The following UBE2U variants were observed in gnomAD, a reference collection of about 807,000 sequenced individuals.
UBE2U encodes the protein ubiquitin-conjugating enzyme E2 U.
In UBE2U, 39 loss-of-function variants were observed where a neutral mutation model predicts 41.2. That is an observed-to-expected ratio of 0.95 (90% CI 0.73 to 1.24). The LOEUF is 1.24. UBE2U is among the 50% of genes most tolerant of loss of function. The probability of loss-of-function intolerance (pLI) is 0.00; values close to 1 mark genes in which losing one functional copy is unlikely to be tolerated. For missense variants in UBE2U, 336 were observed against 363.1 expected, an observed-to-expected ratio of 0.93 and a Z score of 0.61; for synonymous variants, 107 against 117.8, an observed-to-expected ratio of 0.91 and a Z score of 0.60.
chr1:64,209,510 G>C (rs1231260488), intron 3 of UBE2U, among the ~76,000 whole-genome samples: 1 of 152,006 alleles, frequency 6.6e-6, no homozygotes, highest in South Asian at 2.1e-4. Flanking sequence ...TAAATCAGGG[G>C]GACTTTTGTG....
At chr1:64,205,011 A>G (rs1426709642) in intron 1 of UBE2U, among the ~76,000 whole-genome samples, 1 of 151,984 alleles carries the variant, frequency 6.6e-6, no homozygotes, top group African/African-American at 2.4e-5. Context: ...GTAAATATAG[A>G]TAATAGAGAG....
In UBE2U at chr1:64,203,762, AGTTTGTCTTG is replaced by A; in HGVS notation, c.-288_-279del. 3 of 318,886 alleles carry A rather than the reference AGTTTGTCTTG, an allele frequency of 9.4e-6. No homozygotes were observed. The highest frequency in any genetic ancestry group is 4.9e-5 in the Admixed American group (1 of 20,564). The allele number at this position is 318,886 out of a possible 1,614,324, so 19.8% of individuals were successfully genotyped here. On this transcript the variant is annotated 5_prime_UTR_variant, in exon 1 of 10. An upstream open reading frame in the 5' UTR loses its in-frame stop. Transcript: ENST00000371077. ...TGGGCTTGTCTCCGTTACTCATCCA[AGTTTGTCTTG>A]AGACTGGGCTGTGAGCCGGCACTGC...
intron 8 of UBE2U, among the ~76,000 whole-genome samples, chr1:64,254,996 A>C (rs192404553): frequency 6.6e-6 from 1 of 152,120 alleles, no homozygotes; most frequent in Non-Finnish European, 1.5e-5. Flanking sequence ...GTGTTTTTGA[A>C]AAAAAATTAA....
intron 8 of UBE2U, among the ~76,000 whole-genome samples, chr1:64,258,493 C>A (rs1645131711): frequency 6.9e-6 from 1 of 144,228 alleles, no homozygotes; most frequent in Non-Finnish European, 1.5e-5. Context: ...CAAGACAGGT[C>A]CCCTTGTGTG....
At chr1:64,230,915 G>A (rs1371662039) in intron 6 of UBE2U, among the ~76,000 whole-genome samples, 1 of 151,978 alleles carries the variant, frequency 6.6e-6, no homozygotes, top group Admixed American at 6.6e-5. Flanking sequence ...CCCATCATTG[G>A]TTGAAACTAT....
intron 6 of UBE2U, 70 bp downstream of exon 6, chr1:64,220,977 T>A: frequency 1.0e-6 from 1 of 997,928 alleles, no homozygotes; most frequent in Non-Finnish European, 1.5e-6. Context: ...ACTCTTTATG[T>A]TTTTCATCAT....
At chr1:64,257,631 G>A (rs1200002623) in intron 8 of UBE2U, among the ~76,000 whole-genome samples, 4 of 152,122 alleles carry the variant, frequency 2.6e-5, no homozygotes, top group Non-Finnish European at 5.9e-5. Context: ...TGTGTTGGGG[G>A]ATGGAGAGCA....
chr1:64,206,389 C>T (rs1209473934), intron 2 of UBE2U, among the ~76,000 whole-genome samples: 1 of 151,692 alleles, frequency 6.6e-6, no homozygotes, highest in Non-Finnish European at 1.5e-5. Flanking sequence ...AAGAATCTGC[C>T]AGGTTCAGAA....
chr1:64,247,864 CA>C (rs71056034), intron 8 of UBE2U, among the ~76,000 whole-genome samples: 36,334 of 127,472 alleles, frequency 0.29, 7,199 homozygotes, highest in African/African-American at 0.59. Context: ...ACCTGTCTCA[CA>C]AAAAAAAAAA....
chr1:64,247,193 C>G (rs1036202414), intron 8 of UBE2U, among the ~76,000 whole-genome samples: 4 of 150,888 alleles, frequency 2.7e-5, no homozygotes, highest in Admixed American at 1.3e-4. Flanking sequence ...TTATTGGTTC[C>G]CTCTTATGGA....
At chr1:64,263,641 G>A (rs1038168739) in intron 9 of UBE2U, among the ~76,000 whole-genome samples, 4 of 152,216 alleles carry the variant, frequency 2.6e-5, no homozygotes, top group African/African-American at 9.7e-5. Flanking sequence ...ATATCAAAGG[G>A]AAGTATGACT....
chr1:64,207,602 G>GGAC (rs1337137454), intron 3 of UBE2U, among the ~76,000 whole-genome samples: 1 of 151,986 alleles, frequency 6.6e-6, no homozygotes, highest in African/African-American at 2.4e-5. Flanking sequence ...ACGATGCACT[G>GGAC]GACAGATTAA....
rs191627123 is a variant in UBE2U at position 64,247,423 on chromosome 1, C to G, written c.677+5690C>G. ...CCCAAATCTTATGTTGATATTTGAT[C>G]CCAGTGTTGGAAAATAGGAGGTGTT... On this transcript the variant is annotated intron_variant, in intron 8 of 9. Transcript: ENST00000371077. Among the ~76,000 whole-genome samples the G allele has an allele frequency of 2.6e-5, 4 of 152,194 alleles. No homozygotes were observed. The East Asian group carries it at 5.8e-4, about 22-fold the overall frequency.
At chr1:64,239,821 G>A (rs769168675) in intron 7 of UBE2U, among the ~76,000 whole-genome samples, 49 of 152,072 alleles carry the variant, frequency 3.2e-4, no homozygotes, top group African/African-American at 1.9e-4. Context: ...TAGTGCCACA[G>A]TAAACATACG....
intron 8 of UBE2U, among the ~76,000 whole-genome samples, chr1:64,259,999 T>C (rs1457029349): frequency 6.7e-6 from 1 of 149,394 alleles, no homozygotes; most frequent in African/African-American, 2.5e-5. Context: ...GGACCCTGAG[T>C]CCAATGACTG....
chr1:64,239,117 GAA>G (rs1331309207), intron 7 of UBE2U, among the ~76,000 whole-genome samples: 21 of 22,652 alleles, frequency 9.3e-4, no homozygotes, highest in South Asian at 4.6e-3. Context: ...AGAAGAAGAA[GAA>G]GAAGAAGAAG....
chr1:64,238,397 A>G (rs1317014749), intron 7 of UBE2U, among the ~76,000 whole-genome samples: 1 of 150,044 alleles, frequency 6.7e-6, no homozygotes, highest in Non-Finnish European at 1.5e-5. Context: ...GAGTGAGACT[A>G]TCTTAAAAAA....
intron 9 of UBE2U, 33 bp downstream of exon 9, chr1:64,260,727 A>G (rs1310300587): frequency 1.3e-6 from 2 of 1,514,250 alleles, no homozygotes; most frequent in African/African-American, 1.4e-5. Flanking sequence ...TTTTGCTTTT[A>G]TAAATAACAT....
At chr1:64,251,494 T>C (rs1030204479) in intron 8 of UBE2U, among the ~76,000 whole-genome samples, 4 of 152,164 alleles carry the variant, frequency 2.6e-5, no homozygotes, top group Admixed American at 6.5e-5. Flanking sequence ...GGAGTGAATT[T>C]GGCATGTTCA....
Sources: gnomAD v4.1 joint callset for allele counts (sites outside exome capture counted in the v4.1 genomes callset) on GRCh38, gnomAD v4.1.1 for gene constraint, MANE v1.5 for transcripts, NCBI Gene and HGNC (gene_info 2026-07-23, HGNC 2026-07-21) for gene names.